The following GOLGA4 variants were observed in gnomAD, a reference collection of about 807,000 sequenced individuals.
The protein encoded by GOLGA4 is golgin A4, also known as golgin subfamily A member 4.
In GOLGA4, 169 loss-of-function variants were observed where a neutral mutation model predicts 265.9. The observed-to-expected ratio is 0.64, with a 90% CI of 0.56 to 0.72. The LOEUF (loss-of-function observed/expected upper bound fraction) is 0.72. GOLGA4 is among the 30% of genes least tolerant of loss of function. The pLI, the probability that GOLGA4 is intolerant of heterozygous loss-of-function variation, is 0.00. For missense variants in GOLGA4, 2,482 were observed against 2,483.4 expected, an observed-to-expected ratio of 1.00 and a Z score of 0.01; for synonymous variants, 923 against 855.8, an observed-to-expected ratio of 1.08 and a Z score of -1.37.
At chr3:37,328,660 C>A in intron 15 of GOLGA4, 123 bp downstream of exon 15, 2 of 942,004 alleles carry the variant, frequency 2.1e-6, no homozygotes, top group South Asian at 1.8e-5. Flanking sequence ...TAATCCTTGC[C>A]CAATAACATT....
At chr3:37,247,151 A>G (rs2096721931) in intron 1 of GOLGA4, among the ~76,000 whole-genome samples, 1 of 152,206 alleles carries the variant, frequency 6.6e-6, no homozygotes, top group African/African-American at 2.4e-5. Context: ...TTATTTGAAG[A>G]ATTAACCCCA....
At chr3:37,318,051 T>C (rs899838055) in intron 11 of GOLGA4, among the ~76,000 whole-genome samples, 2 of 152,078 alleles carry the variant, frequency 1.3e-5, no homozygotes, top group Non-Finnish European at 2.9e-5. Context: ...CTGGCACTTT[T>C]ATGGTTTCAT....
intron 2 of GOLGA4, among the ~76,000 whole-genome samples, chr3:37,253,635 A>C (rs1357903024): frequency 1.3e-5 from 2 of 152,170 alleles, no homozygotes; most frequent in Non-Finnish European, 2.9e-5. Context: ...GAGTGCTAAA[A>C]CCAAATCTTT....
At chr3:37,365,166 C>G (rs1696652804) in intron 23 of GOLGA4, among the ~76,000 whole-genome samples, 1 of 152,094 alleles carries the variant, frequency 6.6e-6, no homozygotes, top group Non-Finnish European at 1.5e-5. Context: ...AATTTCCACA[C>G]CAAAATGCTG....
At chr3:37,265,395 TGTG>T (rs1413154299) in intron 2 of GOLGA4, among the ~76,000 whole-genome samples, 3 of 152,194 alleles carry the variant, frequency 2.0e-5, no homozygotes, top group African/African-American at 7.2e-5. Flanking sequence ...AGAAAAATAA[TGTG>T]GTATGTAAGT....
intron 2 of GOLGA4, among the ~76,000 whole-genome samples, chr3:37,258,163 C>T (rs2096759069): frequency 7.2e-6 from 1 of 138,068 alleles, no homozygotes; most frequent in African/African-American, 2.7e-5. Flanking sequence ...TATATGTATG[C>T]TATATATATA....
rs145714609 is a variant in GOLGA4, at chr3:37,249,531, C to T, written c.73-1864C>T. Among the ~76,000 whole-genome samples the T allele has an allele frequency of 3.9e-5, 6 of 152,196 alleles. No homozygotes were observed. The East Asian group carries it at 1.2e-3, about 29-fold the overall frequency. On this transcript the variant is annotated intron_variant, in intron 1 of 23. Coordinates refer to ENST00000361924, the MANE Select transcript of GOLGA4 (RefSeq NM_002078.5). The stretch of plus-strand genomic sequence containing the variant: ...TGAAGCAATTCTCCTGCCTCAGCCT[C>T]CTGAGTACCTGGGATTACAGGCGCA...
chr3:37,309,801 A>G (rs184900488), intron 10 of GOLGA4, among the ~76,000 whole-genome samples: 2 of 152,344 alleles, frequency 1.3e-5, no homozygotes, highest in East Asian at 3.9e-4. Context: ...ATGGGAAGAA[A>G]ATCTACTCTT....
rs372553309 is a variant in GOLGA4 at position 37,338,628 on chromosome 3, A to G, written c.6396+894A>G. Among the ~76,000 whole-genome samples the G allele has an allele frequency of 2.0e-4, 30 of 152,292 alleles. No individual in the cohort carries two copies. In the South Asian group the frequency reaches 6.2e-3, roughly 32 times the overall value. On this transcript the variant is annotated intron_variant, in intron 19 of 23. Coordinates refer to ENST00000361924, the MANE Select transcript of GOLGA4 (RefSeq NM_002078.5). The stretch of plus-strand genomic sequence containing the variant: ...ACATTTTAATCATTTTAGAGTACAC[A>G]GTTCATTGACATTTAGTTCATTTAC...
intron 5 of GOLGA4, among the ~76,000 whole-genome samples, chr3:37,293,107 A>G (rs1466116034): frequency 1.3e-5 from 2 of 152,210 alleles, no homozygotes; most frequent in Non-Finnish European, 2.9e-5. Context: ...AAATTATTCT[A>G]GCAAATGTGT....
intron 10 of GOLGA4, among the ~76,000 whole-genome samples, chr3:37,308,207 T>G (rs1216524986): frequency 6.6e-6 from 1 of 150,650 alleles, no homozygotes; most frequent in African/African-American, 2.4e-5. Context: ...CACTCCAGCC[T>G]GGGCGACAAG....
At chr3:37,256,430 A>T (rs2096748887) in intron 2 of GOLGA4, among the ~76,000 whole-genome samples, 1 of 152,000 alleles carries the variant, frequency 6.6e-6, no homozygotes, top group African/African-American at 2.4e-5. Flanking sequence ...AGGTCGTGCC[A>T]TTGCACTCCA....
chr3:37,298,983 A>C lies in GOLGA4; in HGVS notation c.965A>C (p.Gln322Pro), dbSNP rs1167588609. The C allele has an allele frequency of 3.1e-6, 5 of 1,600,238 alleles. No individual in the cohort carries two copies. The highest frequency in any genetic ancestry group is 4.2e-6 in the Non-Finnish European group (5 of 1,176,648). ...LTSEKEALQE[Q>P]LDERLQELEK... The stretch of plus-strand genomic sequence containing the variant: ...AGTGAAAAAGAAGCTCTGCAAGAAC[A>C]ACTGGATGAAAGACTTCAAGAACTA... The change falls in exon 8 of 24, where the codon CAA becomes CCA. Residue 322 changes from glutamine (Q) to proline (P), a missense_variant. By Grantham distance (76) the Gln-to-Pro change is moderately conservative. Coordinates refer to ENST00000361924, the MANE Select transcript of GOLGA4 (RefSeq NM_002078.5).
intron 2 of GOLGA4, among the ~76,000 whole-genome samples, chr3:37,262,362 T>C (rs1302860134): frequency 6.6e-6 from 1 of 151,610 alleles, no homozygotes; most frequent in Non-Finnish European, 1.5e-5. Context: ...AAAAATTAGC[T>C]GGGTGTGGTG....
intron 10 of GOLGA4, among the ~76,000 whole-genome samples, chr3:37,314,234 T>A (rs139499284): frequency 1.8e-4 from 28 of 152,270 alleles, no homozygotes; most frequent in African/African-American, 6.5e-4. Context: ...GTGCTGGGAT[T>A]ACAGGTATGA....
chr3:37,286,455 T>G (rs1489153139), intron 4 of GOLGA4, among the ~76,000 whole-genome samples: 1 of 152,220 alleles, frequency 6.6e-6, no homozygotes, highest in Non-Finnish European at 1.5e-5. Flanking sequence ...GCCCGGCCTA[T>G]AGTAAGATAT....
At chr3:37,344,373 T>C (rs1453699767) in intron 20 of GOLGA4, among the ~76,000 whole-genome samples, 2 of 152,012 alleles carry the variant, frequency 1.3e-5, no homozygotes, top group Non-Finnish European at 2.9e-5. Flanking sequence ...AAGTGCTGGG[T>C]CTATAGGCAT....
intron 2 of GOLGA4, 36 bp downstream of exon 2, chr3:37,251,520 A>G: frequency 8.1e-7 from 1 of 1,239,902 alleles, no homozygotes; most frequent in Non-Finnish European, 1.2e-6. Flanking sequence ...ATACCTCTCA[A>G]AAGAAACTAA....
Position 37,324,773 on chromosome 3 carries a change from G to A in GOLGA4, c.2887G>A (p.Ala963Thr). ...EKKMEKVKQK[A>T]KEMQETLKKK... ...AAAGATGGAAAAAGTTAAGCAGAAA[G>A]CAAAGGAGATGCAAGAAACGTTAAA... Residue 963 changes from alanine (A) to threonine (T), a missense_variant, in exon 14 of 24, where the codon GCA becomes ACA. Coordinates refer to ENST00000361924, the MANE Select transcript of GOLGA4 (RefSeq NM_002078.5). 6.3e-7 allele frequency: 1 copy of A among 1,586,530 alleles called. No homozygotes were observed. The highest frequency in any genetic ancestry group is 8.5e-7 in the Non-Finnish European group (1 of 1,173,396).
Sources: allele counts gnomAD v4.1 joint callset (sites outside exome capture counted in the v4.1 genomes callset), GRCh38; gene constraint gnomAD v4.1.1; transcripts MANE v1.5; gene names NCBI Gene and HGNC (gene_info 2026-07-23, HGNC 2026-07-21).